The following ECM2 variants were observed in gnomAD, a reference collection of about 807,000 sequenced individuals.
The protein encoded by ECM2 is extracellular matrix protein 2.
In ECM2, 57 loss-of-function variants were observed where a neutral mutation model predicts 67.5. The ratio of observed to expected loss-of-function variants is 0.84; its 90% CI spans 0.68 to 1.05. The LOEUF (loss-of-function observed/expected upper bound fraction) is 1.05. ECM2 is among the 50% of genes least tolerant of loss of function. ECM2 has a pLI of 0.00. For synonymous variants in ECM2, 258 were observed against 294.5 expected, an observed-to-expected ratio of 0.88 and a Z score of 1.27; for missense variants, 741 against 822.8, an observed-to-expected ratio of 0.90 and a Z score of 1.22.
the ECM2 span, among the ~76,000 whole-genome samples, chr9:92,552,556 A>G: frequency 6.6e-6 from 1 of 152,146 alleles, no homozygotes; most frequent in Non-Finnish European, 1.5e-5. Context: ...GTAAGGTGGT[A>G]TCACATTGTG....
the ECM2 span, among the ~76,000 whole-genome samples, chr9:92,553,838 G>A: frequency 1.3e-5 from 2 of 152,030 alleles, no homozygotes; most frequent in African/African-American, 4.8e-5. Context: ...GGTTTTCAAG[G>A]TAAACGATCA....
chr9:92,526,713 T>A (rs548354417), intron 1 of ECM2, among the ~76,000 whole-genome samples: 3 of 152,076 alleles, frequency 2.0e-5, no homozygotes, highest in South Asian at 2.1e-4. Flanking sequence ...CAAAATTTTT[T>A]AAAAAATAAA....
At chr9:92,505,792 G>T in intron 6 of ECM2, 102 bp from the exon 7 acceptor site, 1 of 931,190 alleles carries the variant, frequency 1.1e-6, no homozygotes, top group Non-Finnish European at 1.6e-6. Flanking sequence ...TTATTTGGAG[G>T]GCAAATACAG....
At chr9:92,515,281 GT>G in intron 3 of ECM2, 78 bp from the exon 4 acceptor site, 1 of 1,379,860 alleles carries the variant, frequency 7.2e-7, no homozygotes, top group Non-Finnish European at 9.3e-7. Flanking sequence ...TGAAAATGAG[GT>G]TAGTAAATAT....
At position 92,505,603 on chromosome 9, in the gene ECM2, C is replaced by A. The variant is rs777734751; in HGVS notation, c.1394G>T (p.Ser465Ile). 34 of 1,611,368 alleles carry A rather than the reference C, an allele frequency of 2.1e-5. No individual in the cohort carries two copies. The highest frequency in any genetic ancestry group is 2.6e-5 in the Non-Finnish European group (31 of 1,179,236). The change falls in exon 7 of 10, where the codon AGC becomes ATC. Residue 465 changes from serine (S) to isoleucine (I), a missense_variant. Ser to Ile is a moderately radical substitution (Grantham distance 142, BLOSUM62 -2). Coordinates refer to ENST00000344604, the MANE Select transcript of ECM2 (RefSeq NM_001393.4). ...TTTTCCCAGACGCAAGTAGGCTAGG[C>A]TCTTCAAAGGTTTGAAAGCTAAAGG... is the stretch of plus-strand genomic sequence containing the variant. ...VNPLAFKPLK[S>I]LAYLRLGKNK... is the part of the protein sequence containing the mutation.
intron 1 of ECM2, among the ~76,000 whole-genome samples, chr9:92,529,453 TG>T (rs1467140971): frequency 6.6e-6 from 1 of 152,170 alleles, no homozygotes; most frequent in Admixed American, 6.5e-5. Context: ...TCGTGCCCCT[TG>T]GTATTTACCC....
upstream of ECM2, among the ~76,000 whole-genome samples, chr9:92,539,919 G>A (rs1395801581): frequency 6.6e-6 from 1 of 151,992 alleles, no homozygotes; most frequent in Non-Finnish European, 1.5e-5. Context: ...GTTTGTGTAC[G>A]CATTTCCAGG....
chr9:92,503,042 A>G (rs1260533285), intron 7 of ECM2, among the ~76,000 whole-genome samples: 9 of 152,034 alleles, frequency 5.9e-5, no homozygotes, highest in Admixed American at 5.9e-4. Context: ...TCCTAAGCTC[A>G]AGTGATCTAC....
chr9:92,546,366 G>C, the ECM2 span, among the ~76,000 whole-genome samples: 3 of 152,180 alleles, frequency 2.0e-5, no homozygotes, highest in South Asian at 6.2e-4. Context: ...TTGTTCTTTT[G>C]CTCTTTGCAA....
intron 1 of ECM2, among the ~76,000 whole-genome samples, chr9:92,529,049 T>G (rs865781482): frequency 2.0e-5 from 3 of 152,182 alleles, no homozygotes; most frequent in Non-Finnish European, 4.4e-5. Flanking sequence ...AATCAAACTT[T>G]TAAAGATGAA....
chr9:92,535,938 G>A lies in ECM2; in HGVS notation c.-33C>T. ...AAAATTTAAAACTTTTTTACCTGGA[G>A]ATCTAAACTAAGTAGGCTTTGCTTG... On this transcript the variant is annotated 5_prime_UTR_variant, in exon 1 of 10. Transcript: ENST00000344604. The A allele has an allele frequency of 2.1e-6, 1 of 483,524 alleles. No homozygotes were observed. The allele number at this position is 483,524 out of a possible 1,614,324, so 30.0% of individuals were successfully genotyped here.
the ECM2 span, among the ~76,000 whole-genome samples, chr9:92,545,184 G>A: frequency 6.6e-6 from 1 of 152,224 alleles, no homozygotes; most frequent in South Asian, 2.1e-4. Context: ...TGCTGTGGGA[G>A]CTCCTTCCTG....
chr9:92,522,853 A>G lies in ECM2; in HGVS notation c.14T>C (p.Val5Ala). MKIAVLFCFFLLIIF... is the reference protein window; with the variant it reads MKIAALFCFFLLIIF... ...GATAAGCAGAAAAAAACAAAACAAA[A>G]CTGCAATCTTCATGTTTGATTTTTT... The change falls in exon 2 of 10, where the codon GTT becomes GCT. Residue 5 changes from valine to alanine, a missense_variant. Coordinates refer to ENST00000344604, the MANE Select transcript of ECM2 (RefSeq NM_001393.4). 8 of 1,603,444 alleles carry G rather than the reference A, an allele frequency of 5.0e-6. No individual in the cohort carries two copies. The highest frequency in any genetic ancestry group is 6.8e-6 in the Non-Finnish European group (8 of 1,176,808).
chr9:92,497,479 C>T (rs1005945974), intron 9 of ECM2, among the ~76,000 whole-genome samples: 5 of 152,050 alleles, frequency 3.3e-5, no homozygotes, highest in African/African-American at 1.2e-4. Context: ...ACAAAATTAG[C>T]TGGGCATGGT....
At chr9:92,534,852 C>A (rs1222028566) in intron 1 of ECM2, among the ~76,000 whole-genome samples, 2 of 152,162 alleles carry the variant, frequency 1.3e-5, no homozygotes, top group Non-Finnish European at 2.9e-5. Flanking sequence ...AATTTTCTTG[C>A]ATTAACAATT....
chr9:92,494,017 A>G, downstream of ECM2: 2 of 1,529,948 alleles, frequency 1.3e-6, no homozygotes, highest in Non-Finnish European at 1.8e-6. Context: ...TCGCATTGTC[A>G]CCCATTTTTC....
At chr9:92,547,988 CTG>C in the ECM2 span, among the ~76,000 whole-genome samples, 1 of 152,146 alleles carries the variant, frequency 6.6e-6, no homozygotes, top group Admixed American at 6.5e-5. Flanking sequence ...GAAGGAAAAA[CTG>C]TTACTATTCC....
rs1037159593 is a variant in ECM2, at chr9:92,518,886, C to T, written c.293-1011G>A. On this transcript the variant is annotated intron_variant, in intron 2 of 9. Coordinates refer to ENST00000344604, the MANE Select transcript of ECM2 (RefSeq NM_001393.4). Reference sequence around the variant, plus strand: ...TCTGGATGACAGAGCAAGACTGTCCCTAAATAAATAAATAAACAAATAAAG... The same window carrying T: ...TCTGGATGACAGAGCAAGACTGTCCTTAAATAAATAAATAAACAAATAAAG... 9.2e-5 allele frequency among the ~76,000 whole-genome samples: 14 copies of T among 152,066 alleles called. 1 individual carries two copies. Among genetic ancestry groups the T allele is most frequent in the Admixed American group, 7.2e-4 (11 of 15,276 alleles).
At chr9:92,502,739 A>C in intron 7 of ECM2, 87 bp from the exon 8 acceptor site, 2 of 1,124,932 alleles carry the variant, frequency 1.8e-6, no homozygotes, top group East Asian at 2.6e-5. Flanking sequence ...GACATAGACT[A>C]TTATCATTAG....
Sources: gnomAD v4.1 joint callset for allele counts (sites outside exome capture counted in the v4.1 genomes callset) on GRCh38, gnomAD v4.1.1 for gene constraint, MANE v1.5 for transcripts, NCBI Gene and HGNC (gene_info 2026-07-23, HGNC 2026-07-21) for gene names.